Variants in ATXN1 observed in about 807,000 individuals in gnomAD.
The protein encoded by ATXN1 is ataxin 1.
A neutral mutation model predicts 56.4 loss-of-function variants in ATXN1; 8 were observed. That is an observed-to-expected ratio of 0.14 (90% CI 0.08 to 0.26). ATXN1 has a LOEUF of 0.26. Among genes scored for constraint, ATXN1 ranks in the 10% least tolerant of loss-of-function variants. The pLI is 1.00. For synonymous variants in ATXN1, 514 were observed against 494.6 expected (o/e 1.04, Z -0.52); for missense variants, 987 against 1,106.5 (o/e 0.89, Z 1.53).
At chr6:16,533,555 G>A (rs540406875) in intron 4 of ATXN1, among the ~76,000 whole-genome samples, 2 of 152,292 alleles carry the variant, frequency 1.3e-5, no homozygotes, top group South Asian at 4.1e-4. Flanking sequence ...AGTGGATCAG[G>A]AGTAAAGTCA....
In ATXN1 at chr6:16,499,438, T is replaced by C. The variant is rs566330227; in HGVS notation, c.-298-13329A>G. On this transcript the variant is annotated intron_variant, in intron 5 of 7. Transcript: ENST00000436367. Reference sequence around the variant, plus strand: ...CCCACATTTTAAAGATGCAGCAAGTTTTCATGAATGATGACCCACCAGAGC... The same window carrying C: ...CCCACATTTTAAAGATGCAGCAAGTCTTCATGAATGATGACCCACCAGAGC... Among the ~76,000 whole-genome samples the C allele has an allele frequency of 2.6e-5, 4 of 152,318 alleles. No individual in the cohort carries two copies. The South Asian group carries it at 8.3e-4, about 32-fold the overall frequency.
intron 2 of ATXN1, among the ~76,000 whole-genome samples, chr6:16,684,059 A>T (rs1304686071): frequency 3.9e-5 from 6 of 152,162 alleles, no homozygotes; most frequent in African/African-American, 1.4e-4. Context: ...AATCCAGCCC[A>T]TGATCACGCT....
intron 6 of ATXN1, among the ~76,000 whole-genome samples, chr6:16,441,476 G>A (rs553144168): frequency 6.6e-6 from 1 of 152,062 alleles, no homozygotes; most frequent in South Asian, 2.1e-4. Context: ...GTCAAATACA[G>A]TGCACAGTTA....
chr6:16,518,945 T>C (rs957778772), intron 5 of ATXN1, among the ~76,000 whole-genome samples: 5 of 152,202 alleles, frequency 3.3e-5, no homozygotes, highest in African/African-American at 9.7e-5. Flanking sequence ...CTTGTGACTT[T>C]ATATCTGCAT....
chr6:16,475,444 G>A (rs1236105535), intron 6 of ATXN1, among the ~76,000 whole-genome samples: 1 of 152,188 alleles, frequency 6.6e-6, no homozygotes, highest in African/African-American at 2.4e-5. Flanking sequence ...CATCATGGCT[G>A]CCACAGTTAT....
At chr6:16,491,277 A>ATTATTAT (rs1561723418) in intron 5 of ATXN1, among the ~76,000 whole-genome samples, 1 of 132,222 alleles carries the variant, frequency 7.6e-6, no homozygotes, top group Non-Finnish European at 1.6e-5. Context: ...TATTATTATT[A>ATTATTAT]TTTTTTTTTT....
In ATXN1 at chr6:16,760,465, G is replaced by A. The variant is rs1331653808; in HGVS notation, c.-730+833C>T. Among the ~76,000 whole-genome samples, 2 of 150,958 alleles carry A rather than the reference G, an allele frequency of 1.3e-5. No homozygotes were observed. Among genetic ancestry groups the A allele is most frequent in the Admixed American group, 1.3e-4 (2 of 15,176 alleles). On this transcript the variant is annotated intron_variant, in intron 1 of 7. Coordinates refer to ENST00000436367, the MANE Select transcript of ATXN1 (RefSeq NM_001128164.2). This position sits in a 1 kb window ranked among gnomAD's most constrained non-coding sequence, Gnocchi z 5.3. Reference sequence around the variant, plus strand: ...AGGAAGCGGCCGCACCAACAGGGCGGCGGTGGCGGCGGCGGCCAGGGCCGT... The same window carrying A: ...AGGAAGCGGCCGCACCAACAGGGCGACGGTGGCGGCGGCGGCCAGGGCCGT...
At chr6:16,634,293 C>T (rs1763555138) in intron 3 of ATXN1, among the ~76,000 whole-genome samples, 2 of 152,110 alleles carry the variant, frequency 1.3e-5, no homozygotes, top group Admixed American at 6.5e-5. Flanking sequence ...AAAGTTAATC[C>T]TACATATGCC....
At chr6:16,488,116 C>T (rs962717736) in intron 5 of ATXN1, among the ~76,000 whole-genome samples, 19 of 152,138 alleles carry the variant, frequency 1.2e-4, no homozygotes, top group African/African-American at 3.6e-4. Context: ...TGATTAATTT[C>T]GGTGAGAGGA....
intron 4 of ATXN1, among the ~76,000 whole-genome samples, chr6:16,572,401 A>C (rs1343404895): frequency 6.6e-6 from 1 of 152,218 alleles, no homozygotes; most frequent in African/African-American, 2.4e-5. Context: ...ACCCATAATC[A>C]AATGTGTATG....
intron 3 of ATXN1, among the ~76,000 whole-genome samples, chr6:16,610,321 G>C (rs1400684879): frequency 6.6e-6 from 1 of 151,482 alleles, no homozygotes; most frequent in Non-Finnish European, 1.5e-5. Context: ...AATGAAAACT[G>C]ATATAAATAT....
At position 16,543,767 on chromosome 6, in the gene ATXN1, A is replaced by G. The variant is rs574828964; in HGVS notation, c.-360-21079T>C. ...TTGAGTTAAAGGCGAGCACTTAAAA[A>G]TTAACTCTAACCTCTGGGTTTAGGG... On this transcript the variant is annotated intron_variant, in intron 4 of 7. Coordinates refer to ENST00000436367, the MANE Select transcript of ATXN1 (RefSeq NM_001128164.2). 2.0e-5 allele frequency among the ~76,000 whole-genome samples: 3 copies of G among 152,244 alleles called. No individual in the cohort carries two copies. In the East Asian group the frequency reaches 5.8e-4, roughly 29 times the overall value.
intron 6 of ATXN1, among the ~76,000 whole-genome samples, chr6:16,372,214 G>T (rs568428579): frequency 6.6e-6 from 1 of 152,160 alleles, no homozygotes; most frequent in African/African-American, 2.4e-5. Context: ...TGGAGGAAAG[G>T]TTGGCATGGA....
intron 2 of ATXN1, among the ~76,000 whole-genome samples, chr6:16,662,186 G>C (rs1758333195): frequency 6.6e-6 from 1 of 152,110 alleles, no homozygotes; most frequent in African/African-American, 2.4e-5. Context: ...CCAGAAACCA[G>C]GTTCTTAATC....
intron 2 of ATXN1, among the ~76,000 whole-genome samples, chr6:16,695,961 TTCTC>T (rs148708147): frequency 0.039 from 5,869 of 152,046 alleles, 265 homozygotes; most frequent in African/African-American, 0.11. Context: ...GAGACTCTGT[TTCTC>T]TCTCTATATA....
intron 3 of ATXN1, among the ~76,000 whole-genome samples, chr6:16,599,249 C>A (rs1190325078): frequency 1.3e-5 from 2 of 152,180 alleles, no homozygotes; most frequent in African/African-American, 4.8e-5. Flanking sequence ...CAAGAAATGT[C>A]ACCACTCACT....
chr6:16,725,354 G>C (rs957242923), intron 2 of ATXN1, among the ~76,000 whole-genome samples: 1 of 152,060 alleles, frequency 6.6e-6, no homozygotes, highest in African/African-American at 2.4e-5. Flanking sequence ...AGTTCCTTAA[G>C]GAGTCAAAAC....
rs1763749483 is a variant in ATXN1, at chr6:16,643,644, A to AAAAAG, written c.-489+14127_-489+14131dup. ...GACCCTGCCAAAAAAAAAAAAAAAA[A>AAAAAG]AAAAGAGAAGAGAAGAACGCAGGAC... On this transcript the variant is annotated intron_variant, in intron 3 of 7. Coordinates refer to ENST00000436367, the MANE Select transcript of ATXN1 (RefSeq NM_001128164.2). Among the ~76,000 whole-genome samples the AAAAAG allele has an allele frequency of 4.6e-5, 7 of 151,792 alleles. No homozygotes were observed. The South Asian group carries it at 1.5e-3, about 32-fold the overall frequency.
At chr6:16,561,761 G>T (rs1476057919) in intron 4 of ATXN1, among the ~76,000 whole-genome samples, 1 of 152,266 alleles carries the variant, frequency 6.6e-6, no homozygotes, top group East Asian at 1.9e-4. Flanking sequence ...GGAGGCAGGA[G>T]GATGATCCTA....
Sources: gnomAD v4.1 joint callset for allele counts (sites outside exome capture counted in the v4.1 genomes callset) on GRCh38, gnomAD v4.1.1 for gene constraint, Gnocchi (gnomAD v3.1) non-coding constraint, MANE v1.5 for transcripts, NCBI Gene and HGNC (gene_info 2026-07-23, HGNC 2026-07-21) for gene names.